Variants in CAMTA1 observed in about 807,000 individuals in gnomAD.
CAMTA1 encodes the protein calmodulin-binding transcription activator 1.
CAMTA1 carries 27 observed loss-of-function variants against 170.9 expected under a neutral mutation model. That is an observed-to-expected ratio of 0.16 (90% CI 0.12 to 0.22). The LOEUF (loss-of-function observed/expected upper bound fraction) is 0.22, where lower values mean the gene tolerates loss of function less well. Ranked by LOEUF, CAMTA1 falls within the 10% of genes least tolerant of loss-of-function variation. CAMTA1 has a pLI of 1.00. For synonymous variants in CAMTA1, 833 were observed against 891.5 expected (o/e 0.93, Z 1.17); for missense variants, 1,619 against 2,217.2 (o/e 0.73, Z 5.42).
rs114506773 is a variant in CAMTA1 at position 7,434,763 on chromosome 1, G to A, written c.439-33067G>A. Among the ~76,000 whole-genome samples the A allele has an allele frequency of 7.4e-3, 1,127 of 152,060 alleles. 12 individuals are homozygous for A. The highest frequency in any genetic ancestry group is 0.025 in the African/African-American group (1,038 of 41,434). On this transcript the variant is annotated intron_variant, in intron 5 of 22. Transcript: ENST00000303635. ...GTGGACAGTAGTGGGGAGGGGAGCC[G>A]GGCATGGTGGCTCACGCCTGTAATC...
At position 7,280,931 on chromosome 1, in the gene CAMTA1, T is replaced by C. The variant is rs115503397; in HGVS notation, c.438+31305T>C. Reference sequence around the variant, plus strand: ...TAAAGCCAAATTAGGAGAGAACTGCTGAAAAACAAAAACACATATTTCATA... The same window carrying C: ...TAAAGCCAAATTAGGAGAGAACTGCCGAAAAACAAAAACACATATTTCATA... On this transcript the variant is annotated intron_variant, in intron 5 of 22. Coordinates refer to ENST00000303635, the MANE Select transcript of CAMTA1 (RefSeq NM_015215.4). Among the ~76,000 whole-genome samples, 1,091 of 151,238 alleles carry C rather than the reference T, an allele frequency of 7.2e-3. 12 individuals carry two copies. The highest frequency in any genetic ancestry group is 0.024 in the African/African-American group (1,013 of 41,494).
At chr1:7,678,308 C>T (rs2149281727) in intron 11 of CAMTA1, among the ~76,000 whole-genome samples, 1 of 152,352 alleles carries the variant, frequency 6.6e-6, no homozygotes, top group East Asian at 1.9e-4. Context: ...AGCTTCTTGG[C>T]TGATTTTAAT....
intron 5 of CAMTA1, among the ~76,000 whole-genome samples, chr1:7,267,829 G>A (rs1163906977): frequency 6.6e-6 from 1 of 152,162 alleles, no homozygotes; most frequent in African/African-American, 2.4e-5. Context: ...TCTGATGCAT[G>A]TTCCCCTGCC....
rs901072416 is a variant in CAMTA1 at position 7,101,871 on chromosome 1, C to T, written c.302+10500C>T. ...CACATATGCATGTGCCCAGGCAATA[C>T]AGACACGGAGCATATACATGCACAT... is the stretch of plus-strand genomic sequence containing the variant. On this transcript the variant is annotated intron_variant, in intron 4 of 22. Transcript: ENST00000303635. Among the ~76,000 whole-genome samples the T allele has an allele frequency of 9.2e-5, 14 of 152,292 alleles. No individual in the cohort carries two copies. The East Asian group carries it at 1.2e-3, about 13-fold the overall frequency.
chr1:7,540,630 G>T (rs996014067), intron 6 of CAMTA1, among the ~76,000 whole-genome samples: 1 of 152,112 alleles, frequency 6.6e-6, no homozygotes, highest in African/African-American at 2.4e-5. Context: ...CCCCAAAACC[G>T]CCCACCTCTG....
At chr1:6,816,112 T>A (rs1027017019) in intron 1 of CAMTA1, among the ~76,000 whole-genome samples, 4 of 152,214 alleles carry the variant, frequency 2.6e-5, no homozygotes, top group African/African-American at 9.6e-5. Context: ...TTTCACTAGA[T>A]GACTGGCTAA....
At chr1:7,705,479 G>C (rs1293439271) in intron 11 of CAMTA1, among the ~76,000 whole-genome samples, 3 of 150,632 alleles carry the variant, frequency 2.0e-5, no homozygotes, top group Non-Finnish European at 4.4e-5. Flanking sequence ...GCGTGTGTCT[G>C]TGTCGGAGCG....
At chr1:7,019,338 T>C (rs1557980761) in intron 3 of CAMTA1, among the ~76,000 whole-genome samples, 1 of 152,232 alleles carries the variant, frequency 6.6e-6, no homozygotes, top group Non-Finnish European at 1.5e-5. Flanking sequence ...AACAACAGTA[T>C]GCTCGTTGAC....
chr1:7,362,361 G>A (rs1028451109), intron 5 of CAMTA1, among the ~76,000 whole-genome samples: 7 of 152,200 alleles, frequency 4.6e-5, no homozygotes, highest in African/African-American at 1.7e-4. Context: ...GGTACAGGTG[G>A]TGGACTTGGA....
chr1:7,461,000 G>T (rs1312508944), intron 5 of CAMTA1, among the ~76,000 whole-genome samples: 1 of 152,166 alleles, frequency 6.6e-6, no homozygotes, highest in African/African-American at 2.4e-5. Context: ...CTGGGGCAGG[G>T]CTGTTTGCAG....
intron 5 of CAMTA1, among the ~76,000 whole-genome samples, chr1:7,407,941 A>C (rs1449028868): frequency 1.3e-5 from 2 of 152,114 alleles, no homozygotes; most frequent in African/African-American, 4.8e-5. Context: ...CCCACTGGAG[A>C]GGACTTGTTT....
chr1:7,100,349 C>T (rs528352660), intron 4 of CAMTA1, among the ~76,000 whole-genome samples: 2 of 152,250 alleles, frequency 1.3e-5, no homozygotes, highest in South Asian at 2.1e-4. Context: ...TGAAGATGAG[C>T]GATGCTTAGT....
chr1:7,174,147 T>C (rs1443821579), intron 4 of CAMTA1, among the ~76,000 whole-genome samples: 1 of 152,176 alleles, frequency 6.6e-6, no homozygotes, highest in African/African-American at 2.4e-5. Flanking sequence ...TCTCTGGGCC[T>C]TATATCCCCT....
chr1:7,363,198 A>C (rs533967069), intron 5 of CAMTA1, among the ~76,000 whole-genome samples: 159 of 152,334 alleles, frequency 1.0e-3, no homozygotes, highest in African/African-American at 3.4e-3. Context: ...TCACTCATGG[A>C]CATGAGCTGG....
chr1:6,881,360 A>G (rs961466709), intron 3 of CAMTA1, among the ~76,000 whole-genome samples: 10 of 152,202 alleles, frequency 6.6e-5, no homozygotes, highest in African/African-American at 2.4e-4. Context: ...TGAAGGAAGC[A>G]ACACTGTGAC....
chr1:7,295,130 G>T (rs1673736085), intron 5 of CAMTA1, among the ~76,000 whole-genome samples: 2 of 152,172 alleles, frequency 1.3e-5, no homozygotes, highest in Admixed American at 1.3e-4. Context: ...GGGCAGTTAT[G>T]TAACCTTCTG....
rs147298555 is a variant in CAMTA1, at chr1:7,637,493, C to T, written c.511-2907C>T. The stretch of plus-strand genomic sequence containing the variant: ...ACTATGTTGGTCTGTAGGAAGAACA[C>T]GGGGCAAGGACACAGTGAATCACCC... On this transcript the variant is annotated intron_variant, in intron 6 of 22. Coordinates refer to ENST00000303635, the MANE Select transcript of CAMTA1 (RefSeq NM_015215.4). Among the ~76,000 whole-genome samples the T allele has an allele frequency of 3.2e-3, 491 of 152,342 alleles. 6 individuals carry two copies. Among genetic ancestry groups the T allele is most frequent in the African/African-American group, 0.011 (461 of 41,582 alleles).
intron 5 of CAMTA1, among the ~76,000 whole-genome samples, chr1:7,326,727 C>T (rs2082705173): frequency 6.6e-6 from 1 of 152,212 alleles, no homozygotes; most frequent in African/African-American, 2.4e-5. Flanking sequence ...TGATTTCAGA[C>T]TTAAGACTTC....
At chr1:7,631,335 G>A (rs777195475) in intron 6 of CAMTA1, among the ~76,000 whole-genome samples, 23 of 152,218 alleles carry the variant, frequency 1.5e-4, no homozygotes, top group Non-Finnish European at 2.9e-4. Context: ...GAAACATCCA[G>A]TGAGCCCCAC....
Sources: gnomAD v4.1 joint callset for allele counts (sites outside exome capture counted in the v4.1 genomes callset) on GRCh38, gnomAD v4.1.1 for gene constraint, MANE v1.5 for transcripts, NCBI Gene and HGNC (gene_info 2026-07-23, HGNC 2026-07-21) for gene names.